DACH1: variants seen among roughly 807,000 people sequenced by gnomAD.
The protein encoded by DACH1 is dachshund family transcription factor 1, also known as dachshund homolog 1.
A neutral mutation model predicts 54.2 loss-of-function variants in DACH1; 12 were observed. That is an observed-to-expected ratio of 0.22 (90% CI 0.14 to 0.36). The LOEUF (loss-of-function observed/expected upper bound fraction) is 0.36, where lower values mean the gene tolerates loss of function less well. Ranked by LOEUF, DACH1 falls within the 10% of genes least tolerant of loss-of-function variation. DACH1 has a pLI of 1.00. For synonymous variants in DACH1, 386 were observed against 366.2 expected, an observed-to-expected ratio of 1.05 and a Z score of -0.62; for missense variants, 805 against 929.8, an observed-to-expected ratio of 0.87 and a Z score of 1.75.
intron 4 of DACH1, among the ~76,000 whole-genome samples, chr13:71,569,356 T>C (rs1885067782): frequency 6.6e-6 from 1 of 152,118 alleles, no homozygotes; most frequent in Non-Finnish European, 1.5e-5. Flanking sequence ...CATGTGAAAA[T>C]AGCCATAGAC....
intron 6 of DACH1, among the ~76,000 whole-genome samples, chr13:71,546,959 G>A (rs560636804): frequency 6.0e-4 from 91 of 152,014 alleles, no homozygotes; most frequent in Non-Finnish European, 1.1e-3. Flanking sequence ...TCTAAATCTC[G>A]CTCTACAATC....
chr13:71,470,822 C>T (rs1437718972), intron 10 of DACH1, among the ~76,000 whole-genome samples: 2 of 152,150 alleles, frequency 1.3e-5, no homozygotes, highest in Non-Finnish European at 2.9e-5. Context: ...ACAATAGGAA[C>T]ATGGCAGTGA....
At chr13:71,555,980 T>C (rs974458351) in intron 6 of DACH1, among the ~76,000 whole-genome samples, 12 of 152,206 alleles carry the variant, frequency 7.9e-5, no homozygotes, top group African/African-American at 2.7e-4. Flanking sequence ...AATAATCTAA[T>C]TTGTAGAAAT....
intron 1 of DACH1, among the ~76,000 whole-genome samples, chr13:71,713,666 C>G (rs1248321244): frequency 6.6e-6 from 1 of 152,094 alleles, no homozygotes; most frequent in African/African-American, 2.4e-5. Context: ...ATTAAAGATA[C>G]AAATTAAAAT....
At chr13:71,591,925 CA>C (rs1051923214) in intron 3 of DACH1, among the ~76,000 whole-genome samples, 1 of 151,392 alleles carries the variant, frequency 6.6e-6, no homozygotes, top group African/African-American at 2.4e-5. Context: ...CAACAGAATC[CA>C]AAAAAAAGCT....
chr13:71,786,787 C>T (rs1886609674), intron 1 of DACH1, among the ~76,000 whole-genome samples: 2 of 151,882 alleles, frequency 1.3e-5, no homozygotes, highest in South Asian at 4.2e-4. Flanking sequence ...ATCAGAATTT[C>T]AGAGGGGAAA....
intron 1 of DACH1, among the ~76,000 whole-genome samples, chr13:71,766,407 A>G (rs151285420): frequency 6.6e-6 from 1 of 152,292 alleles, no homozygotes; most frequent in African/African-American, 2.4e-5. Flanking sequence ...AAAGCAACCC[A>G]GTTTTTTCTA....
intron 1 of DACH1, among the ~76,000 whole-genome samples, chr13:71,796,128 C>T (rs1887038662): frequency 6.6e-6 from 1 of 152,100 alleles, no homozygotes; most frequent in African/African-American, 2.4e-5. Context: ...TAACACTCAA[C>T]TTTACTAATT....
rs953210071 is a variant in DACH1, at chr13:71,462,860, A to G, written c.2083+12281T>C. On this transcript the variant is annotated intron_variant, in intron 10 of 10. Transcript: ENST00000613252. Reference sequence around the variant, plus strand: ...TGAACCCAGGAATTCCAGGTCTAGAATCTATCTATCTACACACACACACAC... The same window carrying G: ...TGAACCCAGGAATTCCAGGTCTAGAGTCTATCTATCTACACACACACACAC... 5.2e-5 allele frequency among the ~76,000 whole-genome samples: 7 copies of G among 133,912 alleles called. 1 individual carries two copies. The highest frequency in any genetic ancestry group is 2.0e-4 in the African/African-American group (7 of 35,406). 87.9% of individuals were successfully genotyped at this position (133,912 alleles called of 152,430 possible). A position where few individuals can be genotyped will look rare whatever the true frequency, so the allele number is the denominator to read the frequency against.
At chr13:71,620,388 C>T (rs1398341703) in intron 3 of DACH1, among the ~76,000 whole-genome samples, 1 of 151,894 alleles carries the variant, frequency 6.6e-6, no homozygotes, top group Non-Finnish European at 1.5e-5. Context: ...CAAAAACAAA[C>T]ATGAGTAAAA....
chr13:71,560,857 T>A (rs1264227021), intron 4 of DACH1, among the ~76,000 whole-genome samples: 1 of 152,190 alleles, frequency 6.6e-6, no homozygotes, highest in Non-Finnish European at 1.5e-5. Context: ...GACACAGGCC[T>A]TGATGAACTG....
In DACH1 at chr13:71,842,989, T is replaced by A. The variant is rs189372097; in HGVS notation, c.848+22933A>T. 6.6e-5 allele frequency among the ~76,000 whole-genome samples: 10 copies of A among 152,332 alleles called. No homozygotes were observed. In the East Asian group the frequency reaches 1.9e-3, roughly 29 times the overall value. On this transcript the variant is annotated intron_variant, in intron 1 of 10. Coordinates refer to ENST00000613252, the MANE Select transcript of DACH1 (RefSeq NM_080759.6). Reference sequence around the variant, plus strand: ...TTTATAATTTATGGAACAGACACACTTCTATCATTTAAATATTGAAACTAC... The same window carrying A: ...TTTATAATTTATGGAACAGACACACATCTATCATTTAAATATTGAAACTAC...
intron 6 of DACH1, among the ~76,000 whole-genome samples, chr13:71,492,194 T>C (rs1454917336): frequency 5.3e-5 from 8 of 152,172 alleles, no homozygotes; most frequent in Non-Finnish European, 1.0e-4. Flanking sequence ...AATGTGTGAA[T>C]GGCTGACCGC....
intron 1 of DACH1, among the ~76,000 whole-genome samples, chr13:71,697,740 G>T (rs1345157485): frequency 6.6e-6 from 1 of 152,068 alleles, no homozygotes; most frequent in Non-Finnish European, 1.5e-5. Context: ...AGCACATTTT[G>T]TACTCAGAGA....
intron 3 of DACH1, among the ~76,000 whole-genome samples, chr13:71,619,807 A>G (rs1391595318): frequency 6.6e-6 from 1 of 151,944 alleles, no homozygotes; most frequent in African/African-American, 2.4e-5. Context: ...TCAAGTAAGG[A>G]TTCTAAACAA....
At chr13:71,463,902 C>T (rs527610069) in intron 10 of DACH1, among the ~76,000 whole-genome samples, 2 of 152,000 alleles carry the variant, frequency 1.3e-5, no homozygotes, top group African/African-American at 4.8e-5. Context: ...GGATTTCATC[C>T]CTTCCAAGGC....
intron 6 of DACH1, among the ~76,000 whole-genome samples, chr13:71,511,342 A>G (rs1299086861): frequency 6.6e-6 from 1 of 152,032 alleles, no homozygotes; most frequent in African/African-American, 2.4e-5. Context: ...AAGAAGTACA[A>G]GTGAAATAGA....
At chr13:71,796,159 G>A (rs1887040602) in intron 1 of DACH1, among the ~76,000 whole-genome samples, 1 of 152,022 alleles carries the variant, frequency 6.6e-6, no homozygotes, top group Non-Finnish European at 1.5e-5. Context: ...CTTCACAATG[G>A]CCTCAATTCT....
chr13:71,596,151 C>A (rs1874079940), intron 3 of DACH1, among the ~76,000 whole-genome samples: 1 of 151,964 alleles, frequency 6.6e-6, no homozygotes, highest in South Asian at 2.1e-4. Flanking sequence ...TAGATGGCCT[C>A]AAATTATGAA....
Sources: gnomAD v4.1 joint callset for allele counts (sites outside exome capture counted in the v4.1 genomes callset) on GRCh38, gnomAD v4.1.1 for gene constraint, MANE v1.5 for transcripts, NCBI Gene and HGNC (gene_info 2026-07-23, HGNC 2026-07-21) for gene names.